The following PPFIA3 variants were observed in gnomAD, a reference collection of about 807,000 sequenced individuals.
PPFIA3 encodes PPFI scaffold protein A3, also known as liprin-alpha-3.
A neutral mutation model predicts 145.8 loss-of-function variants in PPFIA3; 26 were observed. The observed-to-expected ratio is 0.18, with a 90% CI of 0.13 to 0.25. The LOEUF (loss-of-function observed/expected upper bound fraction) is 0.25. Ranked by LOEUF, PPFIA3 falls within the 10% of genes least tolerant of loss-of-function variation. The pLI is 1.00. For missense variants in PPFIA3, 1,008 were observed against 1,587.8 expected (o/e 0.63, Z 6.21); for synonymous variants, 645 against 661.4 (o/e 0.98, Z 0.38).
intron 7 of PPFIA3, among the ~76,000 whole-genome samples, chr19:49,132,411 A>G (rs1351350544): frequency 6.7e-6 from 1 of 149,652 alleles, no homozygotes; most frequent in Non-Finnish European, 1.5e-5. Flanking sequence ...AAAAAAAAAA[A>G]AAAAAAAAAG....
At chr19:49,144,571 G>A (rs1425357606) in intron 21 of PPFIA3, among the ~76,000 whole-genome samples, 2 of 152,006 alleles carry the variant, frequency 1.3e-5, no homozygotes, top group African/African-American at 2.4e-5. Flanking sequence ...AAAATTAGTC[G>A]GGTGTGGTGG....
At chr19:49,124,823 T>C (rs1350493016) in intron 1 of PPFIA3, among the ~76,000 whole-genome samples, 2 of 152,114 alleles carry the variant, frequency 1.3e-5, no homozygotes, top group African/African-American at 4.8e-5. Flanking sequence ...CTCAGCACTT[T>C]GGGAGGCCGA....
Position 49,133,907 on chromosome 19 carries a change from G to GTGGGGCTTCGAGGC in PPFIA3, c.1245+35_1245+48dup, listed in dbSNP as rs750818120. 6.2e-7 allele frequency: 1 copy of GTGGGGCTTCGAGGC among 1,612,382 alleles called. No homozygotes were observed. Among genetic ancestry groups the GTGGGGCTTCGAGGC allele is most frequent in the South Asian group, 1.1e-5 (1 of 91,006 alleles). ...GAGGGGGCGGAAGACTGCACAGAGG[G>GTGGGGCTTCGAGGC]TGGGGCTTCGAGGCTGGGGCGGAGC... On this transcript the variant is annotated intron_variant, in intron 10 of 29. Coordinates refer to ENST00000334186, the MANE Select transcript of PPFIA3 (RefSeq NM_003660.4). The surrounding 1 kb of genome is among the most constrained non-coding windows in gnomAD (Gnocchi z 7.2).
Position 49,133,149 on chromosome 19 carries a change from TG to T in PPFIA3, c.1026+7del, listed in dbSNP as rs1475363393. Reference sequence around the variant, plus strand: ...AGCAAGGAGTCGTTGTATCGGCAGGTGGGGGCGCGGCCGGGAGGGGCGATGG... The same window carrying T: ...AGCAAGGAGTCGTTGTATCGGCAGGTGGGGCGCGGCCGGGAGGGGCGATGG... On this transcript the variant is annotated splice_donor_region_variant and intron_variant, in intron 8 of 29. Coordinates refer to ENST00000334186, the MANE Select transcript of PPFIA3 (RefSeq NM_003660.4). This position sits in a 1 kb window ranked among gnomAD's most constrained non-coding sequence, Gnocchi z 7.2. The T allele has an allele frequency of 2.6e-6, 4 of 1,563,050 alleles. No individual in the cohort carries two copies. Among genetic ancestry groups the T allele is most frequent in the South Asian group, 2.4e-5 (2 of 83,246 alleles).
In PPFIA3 at chr19:49,148,604, T is replaced by C. The variant is rs545069228; in HGVS notation, c.3012-62T>C. 11 of 1,326,704 alleles carry C rather than the reference T, an allele frequency of 8.3e-6. No homozygotes were observed. The African/African-American group carries it at 1.3e-4, about 16-fold the overall frequency. The allele number at this position is 1,326,704 out of a possible 1,614,324, so 82.2% of individuals were successfully genotyped here. A position where few individuals can be genotyped will look rare whatever the true frequency, so the allele number is the denominator to read the frequency against. ...AGCGCAGCCAGTGGGGAGGGACCCG[T>C]AGGAGCAGCAGTCTAGGGGACTGGA... On this transcript the variant is annotated intron_variant, in intron 24 of 29. Transcript: ENST00000334186.
Position 49,133,671 on chromosome 19 carries a change from A to C in PPFIA3, c.1162-125A>C, listed in dbSNP as rs1459108365. 4 of 1,079,110 alleles carry C rather than the reference A, an allele frequency of 3.7e-6. No individual in the cohort carries two copies. Among genetic ancestry groups the C allele is most frequent in the Non-Finnish European group, 4.2e-6 (3 of 717,472 alleles). The allele number at this position is 1,079,110 out of a possible 1,614,324, so 66.8% of individuals were successfully genotyped here. On this transcript the variant is annotated intron_variant, in intron 9 of 29. Transcript: ENST00000334186. This position sits in a 1 kb window ranked among gnomAD's most constrained non-coding sequence, Gnocchi z 7.2. ...AGGCGCAGGGGCGGGGCCTGACTCA[A>C]AGGTGCAGGGGAGGAGCCTGGCGCT...
intron 1 of PPFIA3, among the ~76,000 whole-genome samples, chr19:49,121,528 G>C (rs1293332211): frequency 6.6e-6 from 1 of 152,128 alleles, no homozygotes; most frequent in Non-Finnish European, 1.5e-5. Flanking sequence ...GGTAATCCCA[G>C]CACTTTGGGA....
rs749946214 is a variant in PPFIA3, at chr19:49,150,067, G to A, written c.3527-13G>A. On this transcript the variant is annotated splice_polypyrimidine_tract_variant and intron_variant, in intron 28 of 29. Coordinates refer to ENST00000334186, the MANE Select transcript of PPFIA3 (RefSeq NM_003660.4). ...GGTGCTCCAGGCTGAACCGCTGCTC[G>A]CTCTCCCTCCAGGCCAGACTTCTGG... The A allele has an allele frequency of 2.5e-6, 4 of 1,605,304 alleles. No homozygotes were observed. Among genetic ancestry groups the A allele is most frequent in the African/African-American group, 1.3e-5 (1 of 74,892 alleles).
At chr19:49,129,218 A>G (rs1438794408) in intron 4 of PPFIA3, among the ~76,000 whole-genome samples, 162 bp from the exon 5 acceptor site, 4 of 152,176 alleles carry the variant, frequency 2.6e-5, no homozygotes, top group Non-Finnish European at 4.4e-5. Flanking sequence ...CTAACAGTGG[A>G]TGGGGCAGAT....
At chr19:49,124,832 G>A (rs78643428) in intron 1 of PPFIA3, among the ~76,000 whole-genome samples, 3 of 152,114 alleles carry the variant, frequency 2.0e-5, no homozygotes, top group Non-Finnish European at 4.4e-5. Flanking sequence ...TTGGGAGGCC[G>A]AGGCGGGTGG....
chr19:49,138,154 C>A (rs2041163920), intron 15 of PPFIA3, 51 bp from the exon 16 acceptor site: 25 of 1,499,400 alleles, frequency 1.7e-5, no homozygotes, highest in Non-Finnish European at 2.2e-5. Context: ...GATTCCCTCT[C>A]CCGCTGTCTG....
At position 49,140,639 on chromosome 19, in the gene PPFIA3, C is replaced by CTTTTTT. The variant is rs4002348; in HGVS notation, c.2368+574_2368+579dup. Among the ~76,000 whole-genome samples the CTTTTTT allele has an allele frequency of 5.6e-4, 36 of 63,834 alleles. 1 individual carries two copies. The highest frequency in any genetic ancestry group is 1.3e-3 in the African/African-American group (16 of 12,752). The allele number at this position is 63,834 out of a possible 152,430, so 41.9% of individuals were successfully genotyped here. On this transcript the variant is annotated intron_variant, in intron 18 of 29. Transcript: ENST00000334186. ...GTGCTGGGATTACAGACTCATTTAC[C>CTTTTTT]TTTTTTTTTTTTTTTTTTTTTTTTT...
chr19:49,146,106 T>A, intron 22 of PPFIA3, 60 bp from the exon 23 acceptor site: 1 of 1,610,606 alleles, frequency 6.2e-7, no homozygotes, highest in South Asian at 1.1e-5. Flanking sequence ...GCTCCTTGCG[T>A]CCTCCTCTGC....
intron 23 of PPFIA3, among the ~76,000 whole-genome samples, chr19:49,147,244 T>A (rs974831665): frequency 6.6e-6 from 1 of 151,966 alleles, no homozygotes; most frequent in Non-Finnish European, 1.5e-5. Flanking sequence ...TGAGACAGAG[T>A]TAAAGCAGTG....
At position 49,130,125 on chromosome 19, in the gene PPFIA3, G is replaced by C. The variant is rs181320620; in HGVS notation, c.657+58G>C. 2.6e-6 allele frequency: 4 copies of C among 1,544,456 alleles called. No homozygotes were observed. The Admixed American group carries it at 7.5e-5, about 29-fold the overall frequency. On this transcript the variant is annotated intron_variant, in intron 6 of 29. Coordinates refer to ENST00000334186, the MANE Select transcript of PPFIA3 (RefSeq NM_003660.4). The surrounding 1 kb of genome is among the most constrained non-coding windows in gnomAD (Gnocchi z 4.5). ...CATTCAACTCCCTGACTTTGTGATA[G>C]TGTTTGTAACGTTTGGTATCATCCT...
Position 49,150,116 on chromosome 19 carries a change from C to G in PPFIA3, c.3563C>G (p.Ser1188Trp). 2 of 1,611,064 alleles carry G rather than the reference C, an allele frequency of 1.2e-6. No homozygotes were observed. The highest frequency in any genetic ancestry group is 1.7e-6 in the Non-Finnish European group (2 of 1,179,024). ...TSGSSRADGV[S>W]VRTYSC ...GGGAGTTCCCGGGCAGACGGCGTTTCGGTCCGGACCTATTCCTGCTAGTGC... is the reference window on the plus strand; with the variant it reads ...GGGAGTTCCCGGGCAGACGGCGTTTGGGTCCGGACCTATTCCTGCTAGTGC... Residue 1188 changes from serine (S) to tryptophan (W), a missense_variant, in exon 29 of 30, where the codon TCG becomes TGG. By Grantham distance (177) the Ser-to-Trp change is radical. Around this residue, in one of 11 missense-constraint regions of PPFIA3, gnomAD observed 125 missense variants for 159.3 expected, o/e 0.78. Transcript: ENST00000334186.
Position 49,133,372 on chromosome 19 carries a change from G to A in PPFIA3, c.1161+1G>A. 1 of 1,600,048 alleles carries A rather than the reference G, an allele frequency of 6.2e-7. No homozygotes were observed. The highest frequency in any genetic ancestry group is 1.3e-5 in the African/African-American group (1 of 74,438). ...GCAGCGCGTGGCGGCGCTCAACAAG[G>A]TGCGGGGAGGACTCGGGTCGGGGCC... On this transcript the variant is annotated splice_donor_variant, in intron 9 of 29. Transcript: ENST00000334186. LOFTEE classifies it high-confidence loss of function. The surrounding 1 kb of genome is among the most constrained non-coding windows in gnomAD (Gnocchi z 7.2).
chr19:49,134,765 C>G (rs1161398510), intron 12 of PPFIA3, 64 bp downstream of exon 12: 2 of 1,611,266 alleles, frequency 1.2e-6, no homozygotes. Context: ...CTAGGGTCTG[C>G]AAGTCTGGCA....
chr19:49,149,769 C>A lies in PPFIA3; in HGVS notation c.3526+51C>A. The A allele has an allele frequency of 6.4e-7, 1 of 1,555,116 alleles. No homozygotes were observed. The highest frequency in any genetic ancestry group is 8.7e-7 in the Non-Finnish European group (1 of 1,154,060). ...CCTTCCTCGCTTCCCTAGGGTGGGG[C>A]ATGGACCACCTCAGTAGTCCGGGTT... On this transcript the variant is annotated intron_variant, in intron 28 of 29. Coordinates refer to ENST00000334186, the MANE Select transcript of PPFIA3 (RefSeq NM_003660.4). This position sits in a 1 kb window ranked among gnomAD's most constrained non-coding sequence, Gnocchi z 5.7.
Sources: gnomAD v4.1 joint callset for allele counts (sites outside exome capture counted in the v4.1 genomes callset) on GRCh38, gnomAD v4.1.1 for gene constraint, gnomAD v4.1.1 regional missense constraint, Gnocchi (gnomAD v3.1) non-coding constraint, MANE v1.5 for transcripts, NCBI Gene and HGNC (gene_info 2026-07-23, HGNC 2026-07-21) for gene names.